DLGAP1: variants seen among roughly 807,000 people sequenced by gnomAD.
The protein encoded by DLGAP1 is DLG associated protein 1, also known as disks large-associated protein 1.
DLGAP1 carries 11 observed loss-of-function variants against 90.8 expected under a neutral mutation model. The observed-to-expected ratio is 0.12, with a 90% CI of 0.08 to 0.20. The LOEUF (loss-of-function observed/expected upper bound fraction) is 0.20. DLGAP1 is among the 10% of genes least tolerant of loss of function. The pLI is 1.00. For synonymous variants in DLGAP1, 558 were observed against 540.7 expected (o/e 1.03, Z -0.44); for missense variants, 1,050 against 1,333.8 (o/e 0.79, Z 3.31).
At chr18:3,652,021 G>A (rs1435338854) in intron 7 of DLGAP1, among the ~76,000 whole-genome samples, 1 of 151,664 alleles carries the variant, frequency 6.6e-6, no homozygotes, top group East Asian at 1.9e-4. Flanking sequence ...AAAGTTAGCC[G>A]GGCGTGGTGG....
chr18:3,640,758 G>A (rs776798805), intron 7 of DLGAP1, among the ~76,000 whole-genome samples: 6 of 152,230 alleles, frequency 3.9e-5, no homozygotes, highest in Non-Finnish European at 7.3e-5. Context: ...GTCTGCTTAT[G>A]TCCAGAATCA....
At chr18:4,132,900 T>G (rs922183624) in intron 2 of DLGAP1, among the ~76,000 whole-genome samples, 1 of 152,182 alleles carries the variant, frequency 6.6e-6, no homozygotes, top group African/African-American at 2.4e-5. Context: ...GGTAATTAAA[T>G]GTACTTGTTA....
intron 7 of DLGAP1, among the ~76,000 whole-genome samples, chr18:3,696,969 C>G (rs1250561694): frequency 2.6e-5 from 4 of 152,110 alleles, no homozygotes; most frequent in Admixed American, 2.6e-4. Context: ...TCTAGATTTT[C>G]TAGTTTATTT....
chr18:3,507,841 A>G (rs11662944), intron 11 of DLGAP1, among the ~76,000 whole-genome samples: 21,239 of 141,074 alleles, frequency 0.15, 2,009 homozygotes, highest in Non-Finnish European at 0.22. Context: ...GGTTCAAGTG[A>G]TTCTCCTGCC....
intron 3 of DLGAP1, among the ~76,000 whole-genome samples, chr18:4,001,005 A>C (rs2074173387): frequency 6.6e-6 from 1 of 151,980 alleles, no homozygotes; most frequent in African/African-American, 2.4e-5. Flanking sequence ...CTTTCATTAC[A>C]TTGATTTTCT....
intron 2 of DLGAP1, among the ~76,000 whole-genome samples, chr18:4,035,979 A>G (rs186663505): frequency 6.6e-6 from 1 of 152,034 alleles, no homozygotes; most frequent in Non-Finnish European, 1.5e-5. Flanking sequence ...CTAAGTGTCC[A>G]AGAGGACACT....
chr18:4,259,078 C>G (rs751644813), intron 1 of DLGAP1, among the ~76,000 whole-genome samples: 2 of 152,152 alleles, frequency 1.3e-5, no homozygotes, highest in Non-Finnish European at 2.9e-5. Context: ...GCAGGACATC[C>G]GTGATTTTTG....
intron 2 of DLGAP1, among the ~76,000 whole-genome samples, chr18:4,091,752 G>A (rs890370027): frequency 2.0e-5 from 3 of 152,020 alleles, no homozygotes; most frequent in South Asian, 2.1e-4. Flanking sequence ...GTGAAATTCC[G>A]TATCTGTTCA....
intron 7 of DLGAP1, among the ~76,000 whole-genome samples, chr18:3,628,114 G>T (rs1274540708): frequency 2.0e-5 from 3 of 151,600 alleles, no homozygotes; most frequent in African/African-American, 7.3e-5. Context: ...GACCTCAAGT[G>T]GTCCACCCGC....
intron 1 of DLGAP1, among the ~76,000 whole-genome samples, chr18:4,204,312 C>A (rs2077673088): frequency 6.6e-6 from 1 of 152,166 alleles, no homozygotes; most frequent in Admixed American, 6.5e-5. Flanking sequence ...AAAATCAGGA[C>A]AAGAAGGTTG....
chr18:4,119,575 G>A (rs910149701), intron 2 of DLGAP1, among the ~76,000 whole-genome samples: 18 of 151,878 alleles, frequency 1.2e-4, no homozygotes, highest in African/African-American at 3.9e-4. Flanking sequence ...TTAGCAATAC[G>A]GAATACGGTG....
intron 11 of DLGAP1, 148 bp downstream of exon 11, chr18:3,508,422 T>A (rs1266663409): frequency 9.8e-6 from 4 of 410,032 alleles, no homozygotes; most frequent in African/African-American, 2.0e-5. Context: ...GGAAATAAGA[T>A]TCATCAGAAA....
intron 9 of DLGAP1, among the ~76,000 whole-genome samples, chr18:3,566,136 A>C (rs540956680): frequency 6.6e-6 from 1 of 152,216 alleles, no homozygotes; most frequent in South Asian, 2.1e-4. Flanking sequence ...GTTATTTGAT[A>C]ATTAGTGTTT....
intron 3 of DLGAP1, among the ~76,000 whole-genome samples, chr18:4,000,770 AG>A (rs1490203168): frequency 2.0e-5 from 3 of 152,242 alleles, no homozygotes; most frequent in Non-Finnish European, 4.4e-5. Flanking sequence ...GCTGTCAAAA[AG>A]TCTGATGACA....
chr18:3,592,441 T>C (rs912412374), intron 7 of DLGAP1, among the ~76,000 whole-genome samples: 2 of 152,158 alleles, frequency 1.3e-5, no homozygotes, highest in African/African-American at 4.8e-5. Flanking sequence ...ACAACAAAGA[T>C]GATGAGATGA....
At chr18:4,141,861 C>G (rs945075945) in intron 2 of DLGAP1, among the ~76,000 whole-genome samples, 3 of 151,976 alleles carry the variant, frequency 2.0e-5, no homozygotes, top group Non-Finnish European at 2.9e-5. Context: ...TGATGGTATT[C>G]TAAATTCCTT....
chr18:3,858,452 TATATC>T (rs141870725), intron 4 of DLGAP1, among the ~76,000 whole-genome samples: 4,848 of 148,920 alleles, frequency 0.033, 220 homozygotes, highest in African/African-American at 0.1. Flanking sequence ...AATTAAAAAT[TATATC>T]ATATACAACA....
chr18:3,893,606 A>C (rs2071538065), intron 3 of DLGAP1, among the ~76,000 whole-genome samples: 1 of 148,932 alleles, frequency 6.7e-6, no homozygotes, highest in South Asian at 2.1e-4. Context: ...TAATAATAAT[A>C]ATAATAATAA....
chr18:3,769,613 G>A (rs2064421483), intron 5 of DLGAP1, among the ~76,000 whole-genome samples: 1 of 152,106 alleles, frequency 6.6e-6, no homozygotes, highest in Non-Finnish European at 1.5e-5. Context: ...GTCCCAAAAG[G>A]TTACATACTG....
Sources: allele counts gnomAD v4.1 joint callset (sites outside exome capture counted in the v4.1 genomes callset), GRCh38; gene constraint gnomAD v4.1.1; transcripts MANE v1.5; gene names NCBI Gene and HGNC (gene_info 2026-07-23, HGNC 2026-07-21).